Variants in ZNF229 observed in about 807,000 individuals in gnomAD.
ZNF229 encodes the protein zinc finger protein 229.
A neutral mutation model predicts 11.8 loss-of-function variants in ZNF229; 10 were observed. The ratio of observed to expected loss-of-function variants is 0.85; its 90% CI spans 0.52 to 1.44. The LOEUF (loss-of-function observed/expected upper bound fraction) is 1.44, where lower values mean the gene tolerates loss of function less well. Ranked by LOEUF, ZNF229 falls within the 40% of genes most tolerant of loss-of-function variation. ZNF229 has a pLI of 0.00. For synonymous variants in ZNF229, 368 were observed against 374.8 expected (o/e 0.98, Z 0.21); for missense variants, 1,045 against 1,015.1 (o/e 1.03, Z -0.40).
chr19:44,446,600 C>T (rs1207105639), intron 2 of ZNF229, among the ~76,000 whole-genome samples: 2 of 152,194 alleles, frequency 1.3e-5, no homozygotes, highest in Non-Finnish European at 2.9e-5. Context: ...TTACCATTGA[C>T]CCAACCCAGC....
At chr19:44,445,941 C>CCCAAAA in intron 2 of ZNF229, among the ~76,000 whole-genome samples, 1 of 152,142 alleles carries the variant, frequency 6.6e-6, no homozygotes, top group African/African-American at 2.4e-5. Context: ...GTGCTAAGGA[C>CCCAAAA]TATGCTGGCT....
Position 44,447,526 on chromosome 19 carries a change from G to A in ZNF229, c.-191C>T, listed in dbSNP as rs1272524038. 1 of 152,222 alleles carries A rather than the reference G, an allele frequency of 6.6e-6. No homozygotes were observed. Among genetic ancestry groups the A allele is most frequent in the Non-Finnish European group, 1.5e-5 (1 of 68,032 alleles). The allele number at this position is 152,222 out of a possible 1,614,324, so 9.4% of individuals were successfully genotyped here. The stretch of plus-strand genomic sequence containing the variant: ...AAGTTCACTCACCTGGAGCTCTAGT[G>A]TCAAGAGATGTGGGGTTATTTCTCC... On this transcript the variant is annotated 5_prime_UTR_variant, in exon 2 of 6. Transcript: ENST00000614049.
At chr19:44,432,002 AC>A in intron 5 of ZNF229, 1 of 885,192 alleles carries the variant, frequency 1.1e-6, no homozygotes. Context: ...CTGCACCCTG[AC>A]AGAGGGTCCT....
At chr19:44,434,694 C>T (rs930681514) in intron 4 of ZNF229, among the ~76,000 whole-genome samples, 8 of 152,124 alleles carry the variant, frequency 5.3e-5, no homozygotes, top group African/African-American at 1.4e-4. Flanking sequence ...GGAGTACCTG[C>T]GACAAGGTAT....
rs1240171127 is a variant in ZNF229 at position 44,427,666 on chromosome 19, C to T, written c.*637G>A. The T allele has an allele frequency of 2.6e-5, 4 of 151,996 alleles. No individual in the cohort carries two copies. Among genetic ancestry groups the T allele is most frequent in the South Asian group, 2.1e-4 (1 of 4,826 alleles). 9.4% of individuals were successfully genotyped at this position (151,996 alleles called of 1,614,324 possible). ...TTGCTTTTTGAACCTGGAAAGAAGA[C>T]ATATTTCTGTAGTGTACTACAACTC... On this transcript the variant is annotated 3_prime_UTR_variant, in exon 6 of 6. Transcript: ENST00000614049.
At chr19:44,438,550 G>A (rs1261275186) in intron 4 of ZNF229, among the ~76,000 whole-genome samples, 1 of 152,172 alleles carries the variant, frequency 6.6e-6, no homozygotes, top group Non-Finnish European at 1.5e-5. Flanking sequence ...AAACTCCACC[G>A]TGATGTCTTT....
Position 44,426,765 on chromosome 19 carries a change from CAT to C in ZNF229, c.*1536_*1537del, listed in dbSNP as rs1971580316. ...ACTATCTCCCAAGTATCAATTACTA[CAT>C]ATTTACTGCCACTTCAAAGGTTATA... On this transcript the variant is annotated 3_prime_UTR_variant, in exon 6 of 6. Coordinates refer to ENST00000614049, the MANE Select transcript of ZNF229 (RefSeq NM_014518.4). The C allele has an allele frequency of 6.6e-6, 1 of 152,192 alleles. No homozygotes were observed. Among genetic ancestry groups the C allele is most frequent in the East Asian group, 1.9e-4 (1 of 5,202 alleles). 9.4% of individuals were successfully genotyped at this position (152,192 alleles called of 1,614,324 possible). A position where few individuals can be genotyped will look rare whatever the true frequency, so the allele number is the denominator to read the frequency against.
chr19:44,433,569 G>A (rs878970490), intron 4 of ZNF229, among the ~76,000 whole-genome samples: 2 of 151,608 alleles, frequency 1.3e-5, no homozygotes, highest in Admixed American at 1.3e-4. Flanking sequence ...CAACTCTCCC[G>A]CCACACTTCT....
Position 44,428,561 on chromosome 19 carries a change from G to A in ZNF229, c.2220C>T (p.Tyr740=), listed in dbSNP as rs758349777. Residue 740 remains tyrosine, a synonymous_variant, in exon 6 of 6, where the codon TAC becomes TAT. Coordinates refer to ENST00000614049, the MANE Select transcript of ZNF229 (RefSeq NM_014518.4). ...AGCCCTTCCCACACACGTGGCATCTGTATGGCTTCTCGCCAGTGTGCACTC... is the reference window on the plus strand; with the variant it reads ...AGCCCTTCCCACACACGTGGCATCTATATGGCTTCTCGCCAGTGTGCACTC... ...HKRVHTGEKP[Y]RCHVCGKGYS... 4 of 1,613,562 alleles carry A rather than the reference G, an allele frequency of 2.5e-6. No homozygotes were observed. The highest frequency in any genetic ancestry group is 2.5e-6 in the Non-Finnish European group (3 of 1,179,884).
In ZNF229 at chr19:44,426,838, G is replaced by A. The variant is rs1056468812; in HGVS notation, c.*1465C>T. 3.1e-4 allele frequency: 47 copies of A among 152,162 alleles called. No individual in the cohort carries two copies. Among genetic ancestry groups the A allele is most frequent in the African/African-American group, 1.1e-3 (44 of 41,478 alleles). 9.4% of individuals were successfully genotyped at this position (152,162 alleles called of 1,614,324 possible). On this transcript the variant is annotated 3_prime_UTR_variant, in exon 6 of 6. Coordinates refer to ENST00000614049, the MANE Select transcript of ZNF229 (RefSeq NM_014518.4). ...ATGAATTCTTTTGAAAACAATGCAC[G>A]GATTTTCTCTCTCACCAATAAGTAC... is the stretch of plus-strand genomic sequence containing the variant.
chr19:44,429,820 C>G lies in ZNF229; in HGVS notation c.961G>C (p.Val321Leu). The change falls in exon 6 of 6, where the codon GTT (valine) becomes CTT (leucine). Residue 321 changes from valine (V) to leucine (L), a missense_variant. Transcript: ENST00000614049. ...HQRVPTGEKS[V>L]KSLERGRGVR... is the part of the protein sequence containing the mutation. ...CCCCGACCACGCTCAAGACTCTTAA[C>G]AGATTTCTCTCCTGTGGGAACTCTT... 2 of 1,613,966 alleles carry G rather than the reference C, an allele frequency of 1.2e-6. No homozygotes were observed. The highest frequency in any genetic ancestry group is 1.7e-6 in the Non-Finnish European group (2 of 1,179,988).
intron 4 of ZNF229, among the ~76,000 whole-genome samples, chr19:44,437,929 G>A (rs777551961): frequency 4.1e-4 from 63 of 152,292 alleles, no homozygotes; most frequent in Non-Finnish European, 8.2e-4. Context: ...AGAACGCTTA[G>A]ACACACAGAG....
In ZNF229 at chr19:44,447,585, A is replaced by G. The variant is rs1353632348; in HGVS notation, c.-250T>C. On this transcript the variant is annotated 5_prime_UTR_variant, in exon 2 of 6. Coordinates refer to ENST00000614049, the MANE Select transcript of ZNF229 (RefSeq NM_014518.4). ...TACAATTATCTCCGAGAAACGAACA[A>G]TTCCAAGAAGGAAGCCTGTGAAAGA... The G allele has an allele frequency of 1.3e-5, 2 of 152,172 alleles. No homozygotes were observed. The highest frequency in any genetic ancestry group is 6.5e-5 in the Admixed American group (1 of 15,276). The allele number at this position is 152,172 out of a possible 1,614,324, so 9.4% of individuals were successfully genotyped here. A position where few individuals can be genotyped will look rare whatever the true frequency, so the allele number is the denominator to read the frequency against.
At chr19:44,440,417 C>T (rs1274302776) in intron 4 of ZNF229, among the ~76,000 whole-genome samples, 1 of 152,132 alleles carries the variant, frequency 6.6e-6, no homozygotes, top group Non-Finnish European at 1.5e-5. Flanking sequence ...GGAAGACCAA[C>T]TGGATTAAAT....
At chr19:44,433,555 C>A (rs1338568530) in intron 4 of ZNF229, among the ~76,000 whole-genome samples, 1 of 151,822 alleles carries the variant, frequency 6.6e-6, no homozygotes, top group Non-Finnish European at 1.5e-5. Flanking sequence ...CTACCCCCGC[C>A]CCCCAACTCT....
intron 4 of ZNF229, among the ~76,000 whole-genome samples, chr19:44,442,081 G>T (rs138576922): frequency 1.4e-3 from 212 of 152,222 alleles, no homozygotes; most frequent in African/African-American, 4.9e-3. Context: ...TGAAAATAAG[G>T]ATATTAAAAT....
chr19:44,442,697 T>C, intron 3 of ZNF229, 76 bp from the exon 4 acceptor site: 1 of 1,603,456 alleles, frequency 6.2e-7, no homozygotes, highest in Non-Finnish European at 8.5e-7. Flanking sequence ...GGTAGGAAGG[T>C]GCCCAGCTTT....
At chr19:44,431,987 G>C (rs944621789) in intron 5 of ZNF229, 5 of 777,960 alleles carry the variant, frequency 6.4e-6, no homozygotes, top group Non-Finnish European at 8.7e-6. Flanking sequence ...AAGGAAGTCA[G>C]CTATCTGCAC....
Position 44,442,603 on chromosome 19 carries a change from G to C in ZNF229, c.53C>G (p.Ser18Ter). Residue 18 changes from serine to a stop codon, truncating the protein, a stop_gained, in exon 4 of 6, where the codon TCA becomes TGA. Transcript: ENST00000614049. LOFTEE classifies it high-confidence loss of function. Reference protein sequence around the residue: ...HEKRALHSQASAISQDREEKI... With the variant: ...HEKRALHSQA ...CTCCTCCCTATCTTGGGAAATGGCT[G>C]AGGCTTGAGAATGAAGAGCTGTAGG... is the stretch of plus-strand genomic sequence containing the variant. The C allele has an allele frequency of 6.2e-7, 1 of 1,614,138 alleles. No homozygotes were observed. The highest frequency in any genetic ancestry group is 8.5e-7 in the Non-Finnish European group (1 of 1,180,036).
Sources: gnomAD v4.1 joint callset for allele counts (sites outside exome capture counted in the v4.1 genomes callset) on GRCh38, gnomAD v4.1.1 for gene constraint, MANE v1.5 for transcripts, NCBI Gene and HGNC (gene_info 2026-07-23, HGNC 2026-07-21) for gene names.